Variants in TRAF3 observed in about 807,000 individuals in gnomAD.
TRAF3 encodes the protein TNF receptor-associated factor 3.
TRAF3 carries 13 observed loss-of-function variants against 62.3 expected under a neutral mutation model. That is an observed-to-expected ratio of 0.21 (90% CI 0.14 to 0.33). TRAF3 has a LOEUF of 0.33. Among genes scored for constraint, TRAF3 ranks in the 10% least tolerant of loss-of-function variants. The pLI, the probability that TRAF3 is intolerant of heterozygous loss-of-function variation, is 1.00. For synonymous variants in TRAF3, 269 were observed against 283.4 expected, an observed-to-expected ratio of 0.95 and a Z score of 0.51; for missense variants, 440 against 741.8, an observed-to-expected ratio of 0.59 and a Z score of 4.73.
At chr14:102,874,851 C>T (rs1888557742) in intron 4 of TRAF3, among the ~76,000 whole-genome samples, 1 of 151,408 alleles carries the variant, frequency 6.6e-6, no homozygotes, top group Non-Finnish European at 1.5e-5. Context: ...GAGATAGGGT[C>T]TCATTGTGTT....
chr14:102,886,371 TGA>T, intron 7 of TRAF3, 102 bp downstream of exon 7: 1 of 1,031,308 alleles, frequency 9.7e-7, no homozygotes, highest in South Asian at 1.4e-5. Context: ...TCCCAGTTCG[TGA>T]GAGTCATGTG....
intron 1 of TRAF3, among the ~76,000 whole-genome samples, chr14:102,804,770 A>G (rs1898668821): frequency 6.6e-6 from 1 of 152,222 alleles, no homozygotes; most frequent in South Asian, 2.1e-4. Context: ...TACAGGCATG[A>G]GACATCACAC....
intron 7 of TRAF3, among the ~76,000 whole-genome samples, chr14:102,887,531 G>GT (rs1566798671): frequency 1.3e-5 from 2 of 152,206 alleles, no homozygotes; most frequent in Non-Finnish European, 2.9e-5. Flanking sequence ...AAAAATAAAT[G>GT]TAAATTATTG....
At chr14:102,797,739 C>CTTT (rs35788620) in intron 1 of TRAF3, among the ~76,000 whole-genome samples, 2 of 142,262 alleles carry the variant, frequency 1.4e-5, no homozygotes, top group Admixed American at 1.4e-4. Context: ...CTTTTTCTTT[C>CTTT]TTTTTTTTTT....
intron 6 of TRAF3, among the ~76,000 whole-genome samples, chr14:102,885,918 A>T (rs758531295): frequency 1.3e-5 from 2 of 151,916 alleles, no homozygotes; most frequent in Non-Finnish European, 2.9e-5. Flanking sequence ...CTAAGGGGAA[A>T]CCCTTGTGGC....
intron 1 of TRAF3, among the ~76,000 whole-genome samples, chr14:102,778,840 C>T (rs1296955834): frequency 1.3e-5 from 2 of 152,166 alleles, no homozygotes; most frequent in East Asian, 1.9e-4. Context: ...ACCATCAGTT[C>T]GTCCTGAGAT....
At chr14:102,861,559 C>G (rs941507482) in intron 2 of TRAF3, among the ~76,000 whole-genome samples, 14 of 152,178 alleles carry the variant, frequency 9.2e-5, no homozygotes, top group Non-Finnish European at 2.1e-4. Context: ...GTCGGCCAAT[C>G]AGTGCTGCAG....
At chr14:102,895,194 G>A (rs1489671360) in intron 9 of TRAF3, 2 of 448,536 alleles carry the variant, frequency 4.5e-6, no homozygotes, top group Admixed American at 2.4e-5. Flanking sequence ...CTCCACATTC[G>A]TGCAGGTTGA....
intron 1 of TRAF3, among the ~76,000 whole-genome samples, chr14:102,791,978 GT>G (rs933987641): frequency 3.3e-5 from 5 of 150,578 alleles, no homozygotes; most frequent in African/African-American, 7.3e-5. Flanking sequence ...ATGCCCTGCT[GT>G]TTTTTTTTAT....
At chr14:102,890,703 T>C (rs929182214) in intron 8 of TRAF3, among the ~76,000 whole-genome samples, 6 of 152,250 alleles carry the variant, frequency 3.9e-5, no homozygotes, top group Non-Finnish European at 7.3e-5. Context: ...TACAATTTCA[T>C]GTGCTTATTC....
intron 2 of TRAF3, among the ~76,000 whole-genome samples, chr14:102,834,432 C>T (rs1477857212): frequency 4.0e-5 from 6 of 151,674 alleles, no homozygotes; most frequent in Non-Finnish European, 7.4e-5. Context: ...GGCGCGGTGG[C>T]TCACGCTTGT....
chr14:102,895,837 G>A (rs955042106), intron 9 of TRAF3, among the ~76,000 whole-genome samples: 1 of 152,204 alleles, frequency 6.6e-6, no homozygotes, highest in Non-Finnish European at 1.5e-5. Context: ...CCCTCCCTTT[G>A]GCTGATGTGG....
In TRAF3 at chr14:102,835,949, G is replaced by A. The variant is rs573702345; in HGVS notation, c.-18+5477G>A. Among the ~76,000 whole-genome samples the A allele has an allele frequency of 8.0e-4, 122 of 152,328 alleles. 1 individual carries two copies. The highest frequency in any genetic ancestry group is 2.4e-3 in the Admixed American group (37 of 15,302). ...ATTTGGGCACGATGACTCATGCCTG[G>A]AATACTAGCATGTTGGCGGGAGGAT... On this transcript the variant is annotated intron_variant, in intron 2 of 11. Coordinates refer to ENST00000392745, the MANE Select transcript of TRAF3 (RefSeq NM_145725.3).
intron 1 of TRAF3, among the ~76,000 whole-genome samples, chr14:102,799,571 C>T (rs778766465): frequency 6.6e-6 from 1 of 152,176 alleles, no homozygotes; most frequent in Non-Finnish European, 1.5e-5. Context: ...CTGCCCCAGC[C>T]TCCTGTGTAG....
intron 6 of TRAF3, among the ~76,000 whole-genome samples, chr14:102,883,251 A>AATCT (rs1889169401): frequency 6.6e-6 from 1 of 152,226 alleles, no homozygotes; most frequent in African/African-American, 2.4e-5. Context: ...ACAGTAGTGA[A>AATCT]AGTTAGAGGC....
Position 102,875,773 on chromosome 14 carries a change from G to A in TRAF3, c.402+45G>A, listed in dbSNP as rs141098182. ...TGGAACCTTTTACATGAAGGAATTCGAGTCCCTTACATCCAGCTGATGAAG... is the reference window on the plus strand; with the variant it reads ...TGGAACCTTTTACATGAAGGAATTCAAGTCCCTTACATCCAGCTGATGAAG... On this transcript the variant is annotated intron_variant, in intron 5 of 11. Coordinates refer to ENST00000392745, the MANE Select transcript of TRAF3 (RefSeq NM_145725.3). 4.4e-4 allele frequency: 670 copies of A among 1,519,354 alleles called. 4 individuals are homozygous for A. The highest frequency in any genetic ancestry group is 3.2e-3 in the African/African-American group (229 of 72,300). The allele number at this position is 1,519,354 out of a possible 1,614,324, so 94.1% of individuals were successfully genotyped here. A position where few individuals can be genotyped will look rare whatever the true frequency, so the allele number is the denominator to read the frequency against.
intron 7 of TRAF3, among the ~76,000 whole-genome samples, chr14:102,887,997 C>G (rs1889497132): frequency 6.6e-6 from 1 of 152,108 alleles, no homozygotes; most frequent in African/African-American, 2.4e-5. Context: ...TTCCAGAGAT[C>G]CTGTAGATTC....
intron 6 of TRAF3, among the ~76,000 whole-genome samples, chr14:102,881,395 C>CAAAAA (rs57546209): frequency 5.1e-5 from 6 of 117,426 alleles, no homozygotes; most frequent in Admixed American, 8.5e-5. Flanking sequence ...ACAACAAAAA[C>CAAAAA]AAAAAAAAAA....
Position 102,826,365 on chromosome 14 carries a change from C to T in TRAF3, c.-156-3969C>T, listed in dbSNP as rs1174045298. Among the ~76,000 whole-genome samples, 1 of 152,210 alleles carries T rather than the reference C, an allele frequency of 6.6e-6. No individual in the cohort carries two copies. Among genetic ancestry groups the T allele is most frequent in the African/African-American group, 2.4e-5 (1 of 41,444 alleles). On this transcript the variant is annotated intron_variant, in intron 1 of 11. Coordinates refer to ENST00000392745, the MANE Select transcript of TRAF3 (RefSeq NM_145725.3). The surrounding 1 kb of genome is among the most constrained non-coding windows in gnomAD (Gnocchi z 4.6). ...GTGGCAGCAGAAGGAACACGTTGAG[C>T]ACCGCAGATACCACCCTGACCGCCA...
Sources: allele counts gnomAD v4.1 joint callset (sites outside exome capture counted in the v4.1 genomes callset), GRCh38; gene constraint gnomAD v4.1.1; non-coding constraint Gnocchi (gnomAD v3.1); transcripts MANE v1.5; gene names NCBI Gene and HGNC (gene_info 2026-07-23, HGNC 2026-07-21).